Variants in GALNTL6 observed in about 807,000 individuals in gnomAD.
The protein encoded by GALNTL6 is polypeptide N-acetylgalactosaminyltransferase-like 6.
Under a neutral mutation model 73.7 loss-of-function variants are expected in GALNTL6, and 46 were observed. That is an observed-to-expected ratio of 0.62 (90% CI 0.49 to 0.80). The LOEUF is 0.80. Ranked by LOEUF, GALNTL6 falls within the 30% of genes least tolerant of loss-of-function variation. The probability of loss-of-function intolerance (pLI) is 0.00; values close to 1 mark genes in which losing one functional copy is unlikely to be tolerated. For missense variants in GALNTL6, 604 were observed against 755.0 expected (o/e 0.80, Z 2.34); for synonymous variants, 259 against 263.7 (o/e 0.98, Z 0.17).
intron 10 of GALNTL6, among the ~76,000 whole-genome samples, chr4:173,006,829 A>G (rs2126487885): frequency 6.6e-6 from 1 of 152,334 alleles, no homozygotes; most frequent in Admixed American, 6.5e-5. Flanking sequence ...ATCCACTTAT[A>G]GTTTTGTTTG....
chr4:172,898,787 T>A (rs908460299), intron 8 of GALNTL6, among the ~76,000 whole-genome samples: 2 of 152,200 alleles, frequency 1.3e-5, no homozygotes, highest in South Asian at 2.1e-4. Flanking sequence ...TTATGCCCAA[T>A]TTCTGCCTCA....
At position 171,837,247 on chromosome 4, in the gene GALNTL6, C is replaced by CTT. The variant is rs1735116617; in HGVS notation, c.138+22530_138+22531dup. On this transcript the variant is annotated intron_variant, in intron 2 of 12. Transcript: ENST00000506823. ...ATGCATGAAATAACTGGCCTGTAAT[C>CTT]TTCAGAAGGGTTGGCATCAGGAAAA... Among the ~76,000 whole-genome samples the CTT allele has an allele frequency of 2.6e-5, 4 of 152,152 alleles. No homozygotes were observed. The South Asian group carries it at 6.2e-4, about 24-fold the overall frequency.
chr4:171,885,340 C>A (rs545679786), intron 2 of GALNTL6, among the ~76,000 whole-genome samples: 1 of 152,228 alleles, frequency 6.6e-6, no homozygotes, highest in African/African-American at 2.4e-5. Flanking sequence ...ATATGTATTT[C>A]TCACAAACCA....
intron 5 of GALNTL6, among the ~76,000 whole-genome samples, chr4:172,682,872 C>A (rs1320089434): frequency 6.6e-6 from 1 of 152,066 alleles, no homozygotes; most frequent in Non-Finnish European, 1.5e-5. Flanking sequence ...AAAAAAAAAT[C>A]TGAGCCACTC....
At chr4:172,646,201 C>A (rs1214627814) in intron 5 of GALNTL6, among the ~76,000 whole-genome samples, 2 of 151,908 alleles carry the variant, frequency 1.3e-5, no homozygotes, top group Non-Finnish European at 2.9e-5. Flanking sequence ...TTTGTATTAC[C>A]ATGTAAGTTT....
chr4:171,878,728 A>C (rs1475350501), intron 2 of GALNTL6, among the ~76,000 whole-genome samples: 1 of 152,216 alleles, frequency 6.6e-6, no homozygotes, highest in Non-Finnish European at 1.5e-5. Context: ...GTGTCCCCAC[A>C]AAAATTTCAT....
At chr4:172,274,196 A>G (rs901346803) in intron 3 of GALNTL6, among the ~76,000 whole-genome samples, 1 of 152,340 alleles carries the variant, frequency 6.6e-6, no homozygotes, top group African/African-American at 2.4e-5. Context: ...ATGTAAAAAA[A>G]GAGACAAAGA....
In GALNTL6 at chr4:172,931,258, G is replaced by A. The variant is rs1385541068; in HGVS notation, c.1139G>A (p.Ser380Asn). The A allele has an allele frequency of 1.3e-6, 2 of 1,593,910 alleles. No individual in the cohort carries two copies. Among genetic ancestry groups the A allele is most frequent in the South Asian group, 2.2e-5 (2 of 90,672 alleles). Residue 380 changes from serine to asparagine, a missense_variant, in exon 9 of 13, where the codon AGC becomes AAC. Transcript: ENST00000506823. ...YVPYKVPSGTSLARNLKRVAE... is the reference protein window; with the variant it reads ...YVPYKVPSGTNLARNLKRVAE... ...CCATACAAAGTTCCATCTGGGACAA[G>A]CCTGGCAAGAGTGAGTAACTCAGCA...
chr4:172,170,202 A>G (rs749426484), intron 2 of GALNTL6, among the ~76,000 whole-genome samples: 15 of 152,182 alleles, frequency 9.9e-5, no homozygotes, highest in Non-Finnish European at 1.6e-4. Flanking sequence ...CTCATCTTGA[A>G]TTGTAATAAT....
intron 8 of GALNTL6, among the ~76,000 whole-genome samples, chr4:172,929,683 G>T (rs1006136326): frequency 1.3e-5 from 2 of 152,062 alleles, no homozygotes; most frequent in Admixed American, 6.5e-5. Context: ...AAATGTTAAT[G>T]GAATGCAAAA....
chr4:172,709,754 A>C (rs1734578170), intron 5 of GALNTL6, among the ~76,000 whole-genome samples: 1 of 152,180 alleles, frequency 6.6e-6, no homozygotes, highest in Admixed American at 6.5e-5. Context: ...ATCAGGATGA[A>C]TTACAAAGTT....
At chr4:172,721,705 A>G (rs141149608) in intron 5 of GALNTL6, among the ~76,000 whole-genome samples, 45 of 152,290 alleles carry the variant, frequency 3.0e-4, no homozygotes, top group African/African-American at 1.1e-3. Flanking sequence ...GCTCAAATGA[A>G]TGCTGTGAGT....
intron 5 of GALNTL6, among the ~76,000 whole-genome samples, chr4:172,531,481 TC>T (rs1482258298): frequency 6.6e-6 from 1 of 152,214 alleles, no homozygotes. Flanking sequence ...CGCGTTTCCT[TC>T]CCAGCTGTCA....
Position 171,976,608 on chromosome 4 carries a change from C to T in GALNTL6, c.138+161890C>T, listed in dbSNP as rs193106797. 1.4e-4 allele frequency among the ~76,000 whole-genome samples: 22 copies of T among 152,304 alleles called. No homozygotes were observed. The East Asian group carries it at 3.9e-3, about 27-fold the overall frequency. Reference sequence around the variant, plus strand: ...TGCAGCGTTTCTCAAAATTACTATACTACGCACTATTTTGATAGCGGGTTA... The same window carrying T: ...TGCAGCGTTTCTCAAAATTACTATATTACGCACTATTTTGATAGCGGGTTA... On this transcript the variant is annotated intron_variant, in intron 2 of 12. Transcript: ENST00000506823.
intron 5 of GALNTL6, among the ~76,000 whole-genome samples, chr4:172,426,971 G>T (rs1731253938): frequency 6.6e-6 from 1 of 151,886 alleles, no homozygotes; most frequent in Non-Finnish European, 1.5e-5. Context: ...GTGGGTCAAT[G>T]TGGTTATCAA....
intron 5 of GALNTL6, among the ~76,000 whole-genome samples, chr4:172,762,440 T>C (rs1311765589): frequency 7.5e-6 from 1 of 134,218 alleles, no homozygotes; most frequent in Non-Finnish European, 1.6e-5. Flanking sequence ...GAAAAATGAC[T>C]GTGTCAAACT....
intron 2 of GALNTL6, among the ~76,000 whole-genome samples, chr4:171,820,610 AAATGAAGT>A (rs1462938336): frequency 6.6e-6 from 1 of 152,206 alleles, no homozygotes; most frequent in Non-Finnish European, 1.5e-5. Context: ...AGCACCATTG[AAATGAAGT>A]ATTCTAGAAA....
At chr4:172,938,687 A>T (rs1366761869) in intron 9 of GALNTL6, among the ~76,000 whole-genome samples, 1 of 152,146 alleles carries the variant, frequency 6.6e-6, no homozygotes, top group Non-Finnish European at 1.5e-5. Flanking sequence ...CAACAGCAGC[A>T]CCACTTCTCT....
At chr4:172,119,721 T>C (rs1318992715) in intron 2 of GALNTL6, among the ~76,000 whole-genome samples, 1 of 152,166 alleles carries the variant, frequency 6.6e-6, no homozygotes, top group Non-Finnish European at 1.5e-5. Context: ...TGAAAGGACA[T>C]GGCCATGTTC....
Sources: gnomAD v4.1 joint callset for allele counts (sites outside exome capture counted in the v4.1 genomes callset) on GRCh38, gnomAD v4.1.1 for gene constraint, MANE v1.5 for transcripts, NCBI Gene and HGNC (gene_info 2026-07-23, HGNC 2026-07-21) for gene names.